DPP10: variants seen among roughly 807,000 people sequenced by gnomAD.
DPP10 encodes inactive dipeptidyl peptidase 10.
DPP10 carries 33 observed loss-of-function variants against 120.9 expected under a neutral mutation model. The observed-to-expected ratio is 0.27, with a 90% CI of 0.21 to 0.37. The LOEUF (loss-of-function observed/expected upper bound fraction) is 0.37, where lower values mean the gene tolerates loss of function less well. Ranked by LOEUF, DPP10 falls within the 10% of genes least tolerant of loss-of-function variation. The pLI, the probability that DPP10 is intolerant of heterozygous loss-of-function variation, is 1.00. For missense variants in DPP10, 816 were observed against 942.8 expected (o/e 0.87, Z 1.76); for synonymous variants, 337 against 326.1 (o/e 1.03, Z -0.36).
intron 1 of DPP10, among the ~76,000 whole-genome samples, chr2:115,125,871 C>T (rs1408981567): frequency 3.9e-5 from 6 of 152,074 alleles, no homozygotes; most frequent in South Asian, 2.1e-4. Context: ...TGCAAGGCAC[C>T]GCGCCCAGCC....
intron 1 of DPP10, among the ~76,000 whole-genome samples, chr2:115,226,456 T>C: frequency 6.6e-6 from 1 of 152,210 alleles, no homozygotes; most frequent in East Asian, 1.9e-4. Context: ...CTTTATTCCA[T>C]GTTTCCATGA....
chr2:114,880,351 C>T (rs531193728), intron 1 of DPP10, among the ~76,000 whole-genome samples: 56 of 152,170 alleles, frequency 3.7e-4, no homozygotes, highest in Admixed American at 1.2e-3. Context: ...TTTTCATATT[C>T]GAGACTTCAA....
intron 1 of DPP10, among the ~76,000 whole-genome samples, chr2:115,190,868 T>C (rs2054829949): frequency 6.6e-6 from 1 of 152,230 alleles, no homozygotes; most frequent in African/African-American, 2.4e-5. Context: ...AGCATTTGTG[T>C]CCTGATATCC....
At chr2:115,112,887 T>G (rs2049302331) in intron 1 of DPP10, among the ~76,000 whole-genome samples, 1 of 152,232 alleles carries the variant, frequency 6.6e-6, no homozygotes, top group South Asian at 2.1e-4. Flanking sequence ...GTAGATAATT[T>G]CTACCTCTGC....
chr2:115,662,568 A>T (rs1255691824), intron 5 of DPP10, among the ~76,000 whole-genome samples: 1 of 152,168 alleles, frequency 6.6e-6, no homozygotes, highest in Non-Finnish European at 1.5e-5. Flanking sequence ...GGAAAATGCA[A>T]ATCAAAACCA....
chr2:114,695,759 TG>T, intron 1 of DPP10, among the ~76,000 whole-genome samples: 1 of 152,238 alleles, frequency 6.6e-6, no homozygotes, highest in East Asian at 1.9e-4. Context: ...ACAGGAGAAT[TG>T]GAGTCTTGTA....
chr2:115,664,201 A>G (rs912800850), intron 5 of DPP10, among the ~76,000 whole-genome samples: 1 of 151,980 alleles, frequency 6.6e-6, no homozygotes, highest in African/African-American at 2.4e-5. Context: ...TAATAACTTT[A>G]TACTGAAAAA....
At chr2:115,337,717 T>G (rs1283485623) in intron 2 of DPP10, among the ~76,000 whole-genome samples, 4 of 143,452 alleles carry the variant, frequency 2.8e-5, no homozygotes, top group Admixed American at 7.0e-5. Flanking sequence ...CCTTGGAGGC[T>G]ATTAAAAGAG....
chr2:114,505,428 A>G (rs1683562613), intron 1 of DPP10, among the ~76,000 whole-genome samples: 1 of 151,426 alleles, frequency 6.6e-6, no homozygotes, highest in African/African-American at 2.4e-5. Context: ...TTCTTGGTAC[A>G]GGGAGAGCAC....
At chr2:114,913,349 C>T (rs1267479603) in intron 1 of DPP10, among the ~76,000 whole-genome samples, 7 of 152,142 alleles carry the variant, frequency 4.6e-5, no homozygotes, top group African/African-American at 1.4e-4. Context: ...CATCCCCCAT[C>T]GGAGTGTTGT....
chr2:115,377,975 G>A (rs1308292869), intron 3 of DPP10, among the ~76,000 whole-genome samples: 2 of 151,880 alleles, frequency 1.3e-5, no homozygotes, highest in East Asian at 1.9e-4. Context: ...ATAGTTTGAA[G>A]TCAGGTAGTG....
intron 1 of DPP10, among the ~76,000 whole-genome samples, chr2:114,518,824 T>A (rs1684815041): frequency 6.6e-6 from 1 of 152,216 alleles, no homozygotes; most frequent in Admixed American, 6.5e-5. Context: ...GCTCTGCCAC[T>A]ATCTAATTGT....
intron 1 of DPP10, among the ~76,000 whole-genome samples, chr2:114,552,868 C>T (rs541683209): frequency 6.6e-6 from 1 of 152,106 alleles, no homozygotes; most frequent in Non-Finnish European, 1.5e-5. Context: ...TTTCTATTCT[C>T]AGTTTTTATC....
chr2:115,612,457 G>C (rs1476331639), intron 5 of DPP10, among the ~76,000 whole-genome samples: 1 of 152,034 alleles, frequency 6.6e-6, no homozygotes, highest in Non-Finnish European at 1.5e-5. Context: ...TTTTTTGCAT[G>C]CGAAATCTAC....
At chr2:114,751,340 C>A (rs570365716) in intron 1 of DPP10, among the ~76,000 whole-genome samples, 2 of 152,122 alleles carry the variant, frequency 1.3e-5, no homozygotes, top group Admixed American at 1.3e-4. Flanking sequence ...GCTACCTGAC[C>A]TTTTTACAAT....
At chr2:115,573,382 A>C (rs1442542745) in intron 5 of DPP10, among the ~76,000 whole-genome samples, 1 of 144,054 alleles carries the variant, frequency 6.9e-6, no homozygotes, top group East Asian at 2.0e-4. Flanking sequence ...TCCCGGGTTC[A>C]CGCCATTCTC....
At chr2:115,552,319 C>T (rs1316656980) in intron 5 of DPP10, among the ~76,000 whole-genome samples, 3 of 152,112 alleles carry the variant, frequency 2.0e-5, no homozygotes, top group Non-Finnish European at 4.4e-5. Flanking sequence ...GAGGTGAAGA[C>T]ATTTGTGTAG....
At chr2:115,727,722 A>G (rs2092800119) in intron 7 of DPP10, 94 bp from the exon 8 acceptor site, 3 of 1,352,770 alleles carry the variant, frequency 2.2e-6, no homozygotes, top group Admixed American at 3.0e-5. Flanking sequence ...AAATAATACA[A>G]CATGGCTATT....
chr2:115,610,136 G>T (rs1314194301), intron 5 of DPP10, among the ~76,000 whole-genome samples: 1 of 152,054 alleles, frequency 6.6e-6, no homozygotes, highest in Non-Finnish European at 1.5e-5. Flanking sequence ...AGTAAGGCTT[G>T]ACTGGTACTC....
Sources: allele counts gnomAD v4.1 joint callset (sites outside exome capture counted in the v4.1 genomes callset), GRCh38; gene constraint gnomAD v4.1.1; transcripts MANE v1.5; gene names NCBI Gene and HGNC (gene_info 2026-07-23, HGNC 2026-07-21).